The following KMT2D variants were observed in gnomAD, a reference collection of about 807,000 sequenced individuals.
KMT2D encodes the protein lysine methyltransferase 2D.
A neutral mutation model predicts 512.7 loss-of-function variants in KMT2D; 55 were observed. That is an observed-to-expected ratio of 0.11 (90% confidence interval 0.09 to 0.13). The LOEUF (loss-of-function observed/expected upper bound fraction) is 0.13, where lower values mean the gene tolerates loss of function less well. KMT2D is among the 10% of genes least tolerant of loss of function. KMT2D has a pLI of 1.00. For synonymous variants in KMT2D, 2,995 were observed against 2,904.0 expected (o/e 1.03, Z -1.01); for missense variants, 6,061 against 7,127.9 (o/e 0.85, Z 5.39).
At chr12:49,035,389 C>T (rs1270181437) in intron 35 of KMT2D, among the ~76,000 whole-genome samples, 2 of 152,206 alleles carry the variant, frequency 1.3e-5, no homozygotes, top group Non-Finnish European at 2.9e-5. Flanking sequence ...GCCCTAGATT[C>T]CAGAGCTGTT....
chr12:49,033,406 G>T lies in KMT2D; in HGVS notation c.11299C>A (p.Gln3767Lys). ...QQQGPGVQTN[Q>K]ALGPKPQGLM... ...CCCTGGGGCTTGGGACCCAGAGCTT[G>T]GTTTGTCTGTACTCCAGGACCCTGC... The change falls in exon 40 of 55, where the codon CAA becomes AAA. Residue 3767 changes from glutamine (Q) to lysine (K), a missense_variant. By Grantham distance (53) the Gln-to-Lys change is moderately conservative. Around this residue, in one of 16 missense-constraint regions of KMT2D, gnomAD observed 1,600 missense variants for 1,754.9 expected, o/e 0.91. Transcript: ENST00000301067. 6.4e-7 allele frequency: 1 copy of T among 1,574,688 alleles called. No individual in the cohort carries two copies. The highest frequency in any genetic ancestry group is 1.1e-5 in the South Asian group (1 of 87,020).
In KMT2D at chr12:49,045,665, A is replaced by C. The variant is rs559843326; in HGVS notation, c.4741+255T>G. 1.8e-3 allele frequency among the ~76,000 whole-genome samples: 274 copies of C among 150,406 alleles called. 1 individual carries two copies. The highest frequency in any genetic ancestry group is 6.1e-3 in the African/African-American group (247 of 40,612). On this transcript the variant is annotated intron_variant, in intron 19 of 54. Transcript: ENST00000301067. Reference sequence around the variant, plus strand: ...TCTCAAAAAAAAAAAAAAAAAAGAGATCTGAAGACGAAATCCTAGCAGTGA... The same window carrying C: ...TCTCAAAAAAAAAAAAAAAAAAGAGCTCTGAAGACGAAATCCTAGCAGTGA...
intron 48 of KMT2D, 59 bp from the exon 49 acceptor site, chr12:49,027,381 T>TAGG: frequency 7.2e-7 from 1 of 1,384,456 alleles, no homozygotes; most frequent in East Asian, 2.4e-5. Flanking sequence ...GCTCCCTCCT[T>TAGG]CCCCTCACCC....
Position 49,030,440 on chromosome 12 carries a change from CTGAGGGG to C in KMT2D, c.13840-8_13840-2del. The C allele has an allele frequency of 1.6e-6, 2 of 1,247,274 alleles. No individual in the cohort carries two copies. The highest frequency in any genetic ancestry group is 2.1e-6 in the Non-Finnish European group (2 of 936,464). 77.3% of individuals were successfully genotyped at this position (1,247,274 alleles called of 1,614,324 possible). On this transcript the variant is annotated splice_acceptor_variant and splice_polypyrimidine_tract_variant and intron_variant, in intron 42 of 54. Coordinates refer to ENST00000301067, the MANE Select transcript of KMT2D (RefSeq NM_003482.4). LOFTEE classifies it high-confidence loss of function. ...GTGTCGGCGGGTTACTCAGGTTATT[CTGAGGGG>C]TGGGGGGTGGGGTGTTGTGTGCAAG...
rs779260688 is a variant in KMT2D at position 49,044,765 on chromosome 12, C to A, written c.4942G>T (p.Asp1648Tyr). ...TAACCTTCACCCTTGAGCAGCTCAT[C>A]GGTGTCCAGGTCCCCATCCTTCTTG... ...DDKKDGDLDT[D>Y]ELLKGEGGVE... Residue 1648 changes from aspartate to tyrosine, a missense_variant, in exon 20 of 55, where the codon GAT (aspartate) becomes TAT (tyrosine). Coordinates refer to ENST00000301067, the MANE Select transcript of KMT2D (RefSeq NM_003482.4). The surrounding 1 kb of genome is among the most constrained non-coding windows in gnomAD (Gnocchi z 6.4). The A allele has an allele frequency of 6.2e-7, 1 of 1,613,854 alleles. No homozygotes were observed. The highest frequency in any genetic ancestry group is 8.5e-7 in the Non-Finnish European group (1 of 1,179,760).
In KMT2D at chr12:49,022,032, C is replaced by T. The variant is rs554987985; in HGVS notation, c.16521+11G>A. 3.7e-5 allele frequency: 59 copies of T among 1,609,986 alleles called. 1 individual carries two copies. The South Asian group carries it at 6.0e-4, about 16-fold the overall frequency. ...GCTGCTTTGTCACTCAGTCAGGATACTTCCTCTCACCTCCTCTCCTTTGGG... is the reference window on the plus strand; with the variant it reads ...GCTGCTTTGTCACTCAGTCAGGATATTTCCTCTCACCTCCTCTCCTTTGGG... On this transcript the variant is annotated intron_variant, in intron 54 of 54. Transcript: ENST00000301067. This position sits in a 1 kb window ranked among gnomAD's most constrained non-coding sequence, Gnocchi z 8.6.
rs577970432 is a variant in KMT2D, at chr12:49,033,624, C to T, written c.11081G>A (p.Gly3694Asp). Residue 3694 changes from glycine (G) to aspartate (D), a missense_variant, in exon 40 of 55, where the codon GGC becomes GAC. Around this residue, in one of 16 missense-constraint regions of KMT2D, gnomAD observed 1,600 missense variants for 1,754.9 expected, o/e 0.91. Transcript: ENST00000301067. The part of the protein sequence containing the change: ...QHSGGAGSLA[G>D]PSGGFFPGNL... ...GCCAGGGAAGAAGCCCCCTGAAGGGCCAGCCAGGGATCCAGCCCCACCAGA... is the reference window on the plus strand; with the variant it reads ...GCCAGGGAAGAAGCCCCCTGAAGGGTCAGCCAGGGATCCAGCCCCACCAGA... The T allele has an allele frequency of 3.1e-5, 50 of 1,613,536 alleles. No individual in the cohort carries two copies. The highest frequency in any genetic ancestry group is 4.2e-5 in the Non-Finnish European group (50 of 1,179,876).
At position 49,040,892 on chromosome 12, in the gene KMT2D, C is replaced by T. The variant is rs2120537270; in HGVS notation, c.6878G>A (p.Gly2293Glu). ...GGGCCCATAGCTAGGAGAGGATGCC[C>T]CAAGCTCTTCCTTCTTCACCTCTAG... ...KALEVKKEEL[G>E]ASSPSYGPPN... The change falls in exon 32 of 55, where the codon GGG becomes GAG. Residue 2293 changes from glycine to glutamate, a missense_variant. Around this residue, in one of 16 missense-constraint regions of KMT2D, gnomAD observed 710 missense variants for 647.3 expected, o/e 1.10. Coordinates refer to ENST00000301067, the MANE Select transcript of KMT2D (RefSeq NM_003482.4). 1 of 1,613,860 alleles carries T rather than the reference C, an allele frequency of 6.2e-7. No homozygotes were observed. The highest frequency in any genetic ancestry group is 8.5e-7 in the Non-Finnish European group (1 of 1,179,800).
At chr12:49,047,509 C>T (rs934362970) in intron 15 of KMT2D, among the ~76,000 whole-genome samples, 5 of 150,150 alleles carry the variant, frequency 3.3e-5, no homozygotes, top group African/African-American at 1.2e-4. Context: ...CCTCCGCCTC[C>T]TGGGTTCAAG....
chr12:49,053,438 T>C (rs941179500), intron 7 of KMT2D, 38 bp downstream of exon 7: 4 of 1,610,986 alleles, frequency 2.5e-6, no homozygotes, highest in Non-Finnish European at 3.4e-6. Context: ...CTAACCTGTG[T>C]TGTGCCTAAG....
Position 49,030,782 on chromosome 12 carries a change from G to A in KMT2D, c.13672-14C>T, listed in dbSNP as rs529994320. On this transcript the variant is annotated splice_polypyrimidine_tract_variant and intron_variant, in intron 41 of 54. Coordinates refer to ENST00000301067, the MANE Select transcript of KMT2D (RefSeq NM_003482.4). ...CAGGGACAGCTCCTACAAGGGGCAA[G>A]ATGACAAAGTTCAAAACCTGCAGCG... The A allele has an allele frequency of 5.0e-6, 8 of 1,613,398 alleles. No homozygotes were observed. In the African/African-American group the frequency reaches 9.3e-5, roughly 19 times the overall value.
chr12:49,021,710 T>G lies in KMT2D; in HGVS notation c.*70A>C. ...TCCTGGCTCTGGCTGCTACCTCTCT[T>G]CCCCCTCATCCCTTTCAGGGAAGAG... On this transcript the variant is annotated 3_prime_UTR_variant, in exon 55 of 55. Coordinates refer to ENST00000301067, the MANE Select transcript of KMT2D (RefSeq NM_003482.4). The G allele has an allele frequency of 5.4e-6, 7 of 1,293,028 alleles. No individual in the cohort carries two copies. Among genetic ancestry groups the G allele is most frequent in the Non-Finnish European group, 7.8e-6 (7 of 897,920 alleles). The allele number at this position is 1,293,028 out of a possible 1,614,324, so 80.1% of individuals were successfully genotyped here. A position where few individuals can be genotyped will look rare whatever the true frequency, so the allele number is the denominator to read the frequency against.
rs774419225 is a variant in KMT2D at position 49,032,751 on chromosome 12, A to T, written c.11954T>A (p.Leu3985Gln). The part of the protein sequence containing the change: ...MGLLNQSRTL[L>Q]SPQQQQQQQV... ...CTGCTGCTGTTGTTGCTGAGGAGACAGTAAAGTTCGACTCTGGTTTAAAAG... is the reference window on the plus strand; with the variant it reads ...CTGCTGCTGTTGTTGCTGAGGAGACTGTAAAGTTCGACTCTGGTTTAAAAG... The change falls in exon 40 of 55, where the codon CTG becomes CAG. Residue 3985 changes from leucine (L) to glutamine (Q), a missense_variant. By Grantham distance (113) the Leu-to-Gln change is moderately radical (BLOSUM62 -2). Transcript: ENST00000301067. The T allele has an allele frequency of 6.3e-7, 1 of 1,584,536 alleles. No individual in the cohort carries two copies. Among genetic ancestry groups the T allele is most frequent in the East Asian group, 2.3e-5 (1 of 43,584 alleles).
At chr12:49,048,618 C>T in intron 14 of KMT2D, 41 bp downstream of exon 14, 1 of 1,333,406 alleles carries the variant, frequency 7.5e-7, no homozygotes, top group Non-Finnish European at 1.1e-6. Flanking sequence ...CAAACACACA[C>T]ATACACAATG....
rs1041469623 is a variant in KMT2D, at chr12:49,032,464, G to A, written c.12241C>T (p.Gln4081Ter). The A allele has an allele frequency of 6.4e-7, 1 of 1,567,936 alleles. No individual in the cohort carries two copies. The highest frequency in any genetic ancestry group is 1.4e-5 in the African/African-American group (1 of 73,822). Reference sequence around the variant, plus strand: ...AGAGAGCTGGGCTGAGGCTGGGGCTGGGGTTGGACAAGCAGGAGTTGTGAG... The same window carrying A: ...AGAGAGCTGGGCTGAGGCTGGGGCTAGGGTTGGACAAGCAGGAGTTGTGAG... ...GDSQLLLVQP[Q>*]PQPQPSSLQL... Residue 4081 changes from glutamine to a stop codon, truncating the protein, a stop_gained, in exon 40 of 55, where the codon CAG becomes TAG. Coordinates refer to ENST00000301067, the MANE Select transcript of KMT2D (RefSeq NM_003482.4). LOFTEE classifies it high-confidence loss of function.
intron 14 of KMT2D, among the ~76,000 whole-genome samples, 167 bp from the exon 15 acceptor site, chr12:49,048,236 C>T (rs141410477): frequency 8.5e-5 from 13 of 152,336 alleles, no homozygotes; most frequent in African/African-American, 2.6e-4. Context: ...TCCTAGGATG[C>T]CTTACTCACC....
At position 49,037,979 on chromosome 12, in the gene KMT2D, C is replaced by T. The variant is rs772418918; in HGVS notation, c.9377G>A (p.Gly3126Glu). Reference protein sequence around the residue: ...PEVKPKVEEGGRHPSPCQFTI... With the variant: ...PEVKPKVEEGERHPSPCQFTI... ...GAATTGGCAAGGAGAAGGGTGGCGT[C>T]CACCCTCCTCCACCTTGGGCTTCAC... Residue 3126 changes from glycine to glutamate, a missense_variant, in exon 35 of 55, where the codon GGA becomes GAA. Gly to Glu is a moderately conservative substitution (Grantham distance 98, BLOSUM62 -2). Transcript: ENST00000301067. 6.2e-7 allele frequency: 1 copy of T among 1,600,698 alleles called. No individual in the cohort carries two copies. The highest frequency in any genetic ancestry group is 1.3e-5 in the African/African-American group (1 of 74,634).
Position 49,052,704 on chromosome 12 carries a change from G to A in KMT2D, c.1118C>T (p.Ser373Leu), listed in dbSNP as rs756036854. The A allele has an allele frequency of 6.2e-7, 1 of 1,613,574 alleles. No individual in the cohort carries two copies. Among genetic ancestry groups the A allele is most frequent in the Non-Finnish European group, 8.5e-7 (1 of 1,179,634 alleles). Residue 373 changes from serine (S) to leucine (L), a missense_variant, in exon 10 of 55, where the codon TCA becomes TTA. Around this residue, in one of 16 missense-constraint regions of KMT2D, gnomAD observed 848 missense variants for 838.5 expected, o/e 1.01. Transcript: ENST00000301067. ...EQHTPVCSRF[S>L]PPEPGDTPTD... Reference sequence around the variant, plus strand: ...GGGGGTATCGCCAGGCTCTGGGGGTGAAAATCTGCAGAGGGTACAGGGGAG... The same window carrying A: ...GGGGGTATCGCCAGGCTCTGGGGGTAAAAATCTGCAGAGGGTACAGGGGAG...
At chr12:49,055,150 C>T in intron 2 of KMT2D, 124 bp from the exon 3 acceptor site, 3 of 1,550,540 alleles carry the variant, frequency 1.9e-6, no homozygotes, top group Non-Finnish European at 2.7e-6. Flanking sequence ...CAACTGTTGT[C>T]CCAAAGAACA....
Sources: gnomAD v4.1 joint callset for allele counts (sites outside exome capture counted in the v4.1 genomes callset) on GRCh38, gnomAD v4.1.1 for gene constraint, gnomAD v4.1.1 regional missense constraint, Gnocchi (gnomAD v3.1) non-coding constraint, MANE v1.5 for transcripts, NCBI Gene and HGNC (gene_info 2026-07-23, HGNC 2026-07-21) for gene names.